Variants in UGCG observed in about 807,000 individuals in gnomAD.
UGCG encodes ceramide glucosyltransferase.
In UGCG, 10 loss-of-function variants were observed where a neutral mutation model predicts 49.5. The ratio of observed to expected loss-of-function variants is 0.20; its 90% CI spans 0.12 to 0.34. The LOEUF (loss-of-function observed/expected upper bound fraction) is 0.34, where lower values mean the gene tolerates loss of function less well. Among genes scored for constraint, UGCG ranks in the 10% least tolerant of loss-of-function variants. The pLI, the probability that UGCG is intolerant of heterozygous loss-of-function variation, is 1.00. For missense variants in UGCG, 312 were observed against 483.7 expected (o/e 0.65, Z 3.33); for synonymous variants, 182 against 158.2 (o/e 1.15, Z -1.13).
chr9:111,902,250 A>G (rs1285764214), intron 1 of UGCG, among the ~76,000 whole-genome samples: 1 of 152,198 alleles, frequency 6.6e-6, no homozygotes, highest in Non-Finnish European at 1.5e-5. Context: ...GGAATCTTCT[A>G]CATTCTATAG....
Position 111,932,817 on chromosome 9 carries a change from C to G in UGCG, c.1015-10C>G. The G allele has an allele frequency of 1.3e-6, 2 of 1,531,226 alleles. No individual in the cohort carries two copies. Among genetic ancestry groups the G allele is most frequent in the East Asian group, 2.3e-5 (1 of 43,176 alleles). 94.9% of individuals were successfully genotyped at this position (1,531,226 alleles called of 1,614,324 possible). ...GAGTGAAATTAAAAAATTTTTTTTT[C>G]CATTCCTAGGGTGGCACACTGTGTT... On this transcript the variant is annotated splice_polypyrimidine_tract_variant and intron_variant, in intron 8 of 8. Coordinates refer to ENST00000374279, the MANE Select transcript of UGCG (RefSeq NM_003358.3).
intron 2 of UGCG, among the ~76,000 whole-genome samples, chr9:111,919,233 C>T (rs1349026150): frequency 6.6e-6 from 1 of 152,210 alleles, no homozygotes; most frequent in Non-Finnish European, 1.5e-5. Context: ...GGCATAGTGG[C>T]TCATGCCTGT....
intron 8 of UGCG, 64 bp from the exon 9 acceptor site, chr9:111,932,763 T>C (rs776679845): frequency 7.0e-7 from 1 of 1,420,688 alleles, no homozygotes; most frequent in African/African-American, 1.4e-5. Context: ...AAGAATTTAA[T>C]TTTTTAACCT....
intron 4 of UGCG, among the ~76,000 whole-genome samples, chr9:111,925,126 G>A (rs1041244907): frequency 6.6e-6 from 1 of 152,032 alleles, no homozygotes; most frequent in African/African-American, 2.4e-5. Flanking sequence ...AATTAAAAAT[G>A]GTTGTGGTTC....
At chr9:111,909,272 G>A (rs1490241538) in intron 1 of UGCG, among the ~76,000 whole-genome samples, 1 of 151,848 alleles carries the variant, frequency 6.6e-6, no homozygotes, top group East Asian at 1.9e-4. Flanking sequence ...AAAAACCACT[G>A]GGATTTAAAA....
intron 1 of UGCG, among the ~76,000 whole-genome samples, chr9:111,910,561 A>G (rs1308242306): frequency 6.6e-6 from 1 of 151,970 alleles, no homozygotes; most frequent in African/African-American, 2.4e-5. Context: ...TGAGTTTCTG[A>G]TGTCAGTGAT....
intron 7 of UGCG, 68 bp downstream of exon 7, chr9:111,931,425 A>G: frequency 6.8e-7 from 1 of 1,462,522 alleles, no homozygotes; most frequent in Non-Finnish European, 9.5e-7. Context: ...TAATTTTTAC[A>G]GGTTTAATGT....
intron 2 of UGCG, among the ~76,000 whole-genome samples, chr9:111,918,474 C>A (rs977968460): frequency 6.6e-6 from 1 of 152,190 alleles, no homozygotes; most frequent in Non-Finnish European, 1.5e-5. Flanking sequence ...GGAATGCTGC[C>A]TCCAATTTGG....
chr9:111,918,088 C>T (rs1838142867), intron 2 of UGCG, among the ~76,000 whole-genome samples: 1 of 151,682 alleles, frequency 6.6e-6, no homozygotes, highest in African/African-American at 2.4e-5. Context: ...GTCACCTGTG[C>T]TGGAGTACAA....
In UGCG at chr9:111,932,369, T is replaced by C. The variant is rs777406543; in HGVS notation, c.1014+10T>C. On this transcript the variant is annotated intron_variant, in intron 8 of 8. Coordinates refer to ENST00000374279, the MANE Select transcript of UGCG (RefSeq NM_003358.3). ...ACTCAGGGGTGTCCAGGTATGTGGATAGGCATGAAAAGGTTGGCAGTCCCT... is the reference window on the plus strand; with the variant it reads ...ACTCAGGGGTGTCCAGGTATGTGGACAGGCATGAAAAGGTTGGCAGTCCCT... 1.2e-6 allele frequency: 2 copies of C among 1,609,834 alleles called. No homozygotes were observed. Among genetic ancestry groups the C allele is most frequent in the Non-Finnish European group, 1.7e-6 (2 of 1,177,548 alleles).
chr9:111,913,651 G>A (rs982366608), intron 1 of UGCG, among the ~76,000 whole-genome samples: 9 of 149,392 alleles, frequency 6.0e-5, no homozygotes, highest in Non-Finnish European at 1.2e-4. Flanking sequence ...TGTTGGCCAG[G>A]CTGGTCTCGA....
chr9:111,899,633 C>T (rs73530532), intron 1 of UGCG, among the ~76,000 whole-genome samples: 2,700 of 152,102 alleles, frequency 0.018, 57 homozygotes, highest in South Asian at 0.04. Context: ...TAGGTCTTTC[C>T]GTTTCTTTTA....
In UGCG at chr9:111,931,368, T is replaced by C. The variant is rs749701836; in HGVS notation, c.824+11T>C. On this transcript the variant is annotated intron_variant, in intron 7 of 8. Coordinates refer to ENST00000374279, the MANE Select transcript of UGCG (RefSeq NM_003358.3). Reference sequence around the variant, plus strand: ...ATCCAGAATGATCAGGTAAATCAACTGTTTTCTTTTTATACTTCGTTAAAA... The same window carrying C: ...ATCCAGAATGATCAGGTAAATCAACCGTTTTCTTTTTATACTTCGTTAAAA... The C allele has an allele frequency of 6.2e-7, 1 of 1,612,444 alleles. No homozygotes were observed. The highest frequency in any genetic ancestry group is 8.5e-7 in the Non-Finnish European group (1 of 1,179,518).
At chr9:111,918,871 G>A (rs374866649) in intron 2 of UGCG, among the ~76,000 whole-genome samples, 183 of 151,108 alleles carry the variant, frequency 1.2e-3, no homozygotes, top group African/African-American at 4.1e-3. Flanking sequence ...CTTGCAGTGA[G>A]CGGAGATCGC....
intron 3 of UGCG, among the ~76,000 whole-genome samples, 188 bp downstream of exon 3, chr9:111,923,139 AT>A (rs1838256872): frequency 6.6e-6 from 1 of 151,980 alleles, no homozygotes; most frequent in Non-Finnish European, 1.5e-5. Context: ...CATATCTGAG[AT>A]GAACAAAATC....
In UGCG at chr9:111,914,590, T is replaced by C. The variant is rs1240516527; in HGVS notation, c.99-15T>C. 1.9e-6 allele frequency: 3 copies of C among 1,611,580 alleles called. No individual in the cohort carries two copies. The highest frequency in any genetic ancestry group is 2.5e-6 in the Non-Finnish European group (3 of 1,179,096). ...GTATTCTATAGAAATAATTTTTATA[T>C]CATTTGCTTTTTAGCCGATTACACC... On this transcript the variant is annotated splice_polypyrimidine_tract_variant and intron_variant, in intron 1 of 8. Transcript: ENST00000374279.
rs181614846 is a variant in UGCG at position 111,932,807 on chromosome 9, A to T, written c.1015-20A>T. 4.7e-3 allele frequency: 7,166 copies of T among 1,523,000 alleles called. 61 individuals are homozygous for T. The highest frequency in any genetic ancestry group is 0.035 in the African/African-American group (2,495 of 71,218). 94.3% of individuals were successfully genotyped at this position (1,523,000 alleles called of 1,614,324 possible). On this transcript the variant is annotated intron_variant, in intron 8 of 8. Transcript: ENST00000374279. ...GTTTGACAGTGAGTGAAATTAAAAA[A>T]TTTTTTTTTCCATTCCTAGGGTGGC...
chr9:111,899,180 A>T (rs1837721867), intron 1 of UGCG, among the ~76,000 whole-genome samples: 1 of 152,234 alleles, frequency 6.6e-6, no homozygotes, highest in Non-Finnish European at 1.5e-5. Context: ...ATATGCATAC[A>T]TCTTTGAGAA....
At chr9:111,898,110 T>C (rs1204189900) in intron 1 of UGCG, among the ~76,000 whole-genome samples, 1 of 150,860 alleles carries the variant, frequency 6.6e-6, no homozygotes, top group Admixed American at 6.6e-5. Context: ...CTAAATAAGG[T>C]TATGAGATTG....
Sources: allele counts gnomAD v4.1 joint callset (sites outside exome capture counted in the v4.1 genomes callset), GRCh38; gene constraint gnomAD v4.1.1; transcripts MANE v1.5; gene names NCBI Gene and HGNC (gene_info 2026-07-23, HGNC 2026-07-21).